Variants in PRIM2 observed in about 807,000 individuals in gnomAD.
The protein encoded by PRIM2 is DNA primase large subunit.
A neutral mutation model predicts 67.3 loss-of-function variants in PRIM2; 39 were observed. The observed-to-expected ratio is 0.58, with a 90% CI of 0.45 to 0.76. PRIM2 has a LOEUF of 0.76. PRIM2 is among the 30% of genes least tolerant of loss of function. The probability of loss-of-function intolerance (pLI) is 0.00; values close to 1 mark genes in which losing one functional copy is unlikely to be tolerated. For missense variants in PRIM2, 398 were observed against 598.7 expected, an observed-to-expected ratio of 0.66 and a Z score of 3.50; for synonymous variants, 143 against 198.7, an observed-to-expected ratio of 0.72 and a Z score of 2.36.
intron 7 of PRIM2, among the ~76,000 whole-genome samples, chr6:57,459,984 TC>T (rs1772946194): frequency 6.6e-6 from 1 of 152,170 alleles, no homozygotes; most frequent in East Asian, 1.9e-4. Context: ...CAGAGCCCCC[TC>T]CTGGTCATGA....
rs1688484043 is a variant in PRIM2 at position 57,537,468 on chromosome 6, T to C, written c.863T>C (p.Met288Thr). 4 of 1,462,972 alleles carry C rather than the reference T, an allele frequency of 2.7e-6. No homozygotes were observed. Among genetic ancestry groups the C allele is most frequent in the African/African-American group, 2.8e-5 (2 of 71,536 alleles). The allele number at this position is 1,462,972 out of a possible 1,614,324, so 90.6% of individuals were successfully genotyped here. A position where few individuals can be genotyped will look rare whatever the true frequency, so the allele number is the denominator to read the frequency against. Residue 288 changes from methionine to threonine, a missense_variant, in exon 10 of 14, where the codon ATG becomes ACG. By Grantham distance (81) the Met-to-Thr change is moderately conservative. This residue lies in a region of PRIM2 where 229 missense variants were observed against 383.6 expected (regional missense o/e 0.60). Transcript: ENST00000615550. The part of the protein sequence containing the change: ...LLSTKSFPPC[M>T]RQLHKALREN... Reference sequence around the variant, plus strand: ...TCTACCAAATCCTTCCCACCTTGCATGCGTCAGTTACATAAAGCCTTGCGG... The same window carrying C: ...TCTACCAAATCCTTCCCACCTTGCACGCGTCAGTTACATAAAGCCTTGCGG...
the PRIM2 span, among the ~76,000 whole-genome samples, chr6:57,260,040 C>G: frequency 6.6e-6 from 1 of 152,160 alleles, no homozygotes; most frequent in South Asian, 2.1e-4. Flanking sequence ...TCCCCTATTC[C>G]CTTAAAATGG....
intron 5 of PRIM2, among the ~76,000 whole-genome samples, chr6:57,353,803 A>G (rs184534352): frequency 6.6e-6 from 1 of 152,174 alleles, no homozygotes; most frequent in African/African-American, 2.4e-5. Context: ...GAAATGGTAT[A>G]TATTTCTTCC....
intron 10 of PRIM2, among the ~76,000 whole-genome samples, chr6:57,553,246 G>T (rs1775438959): frequency 6.6e-6 from 1 of 152,052 alleles, no homozygotes; most frequent in African/African-American, 2.4e-5. Flanking sequence ...TGCTTTCTAT[G>T]TTGATGTTTT....
chr6:57,540,985 T>G (rs1775136908), intron 10 of PRIM2, among the ~76,000 whole-genome samples: 1 of 152,246 alleles, frequency 6.6e-6, no homozygotes, highest in Non-Finnish European at 1.5e-5. Flanking sequence ...TTCATCGTGT[T>G]CAGTGCAATA....
At chr6:57,483,517 G>A (rs1242432762) in intron 7 of PRIM2, among the ~76,000 whole-genome samples, 13 of 152,066 alleles carry the variant, frequency 8.5e-5, no homozygotes, top group Admixed American at 3.9e-4. Context: ...AAACCCCACC[G>A]AAACCAAACT....
intron 10 of PRIM2, among the ~76,000 whole-genome samples, chr6:57,559,359 C>A (rs1386942103): frequency 0.069 from 10,508 of 152,184 alleles, 524 homozygotes; most frequent in East Asian, 0.2. Context: ...GCCCTGACTT[C>A]AGTGTTTACC....
At chr6:57,466,666 T>C (rs1773202751) in intron 7 of PRIM2, among the ~76,000 whole-genome samples, 1 of 152,238 alleles carries the variant, frequency 6.6e-6, no homozygotes, top group African/African-American at 2.4e-5. Flanking sequence ...TTTGAAGGGA[T>C]TGTTTTTTTC....
At position 57,340,019 on chromosome 6, in the gene PRIM2, AAC is replaced by A; in HGVS notation, c.459+13976_459+13977del. Among the ~76,000 whole-genome samples the A allele has an allele frequency of 1.3e-5, 2 of 152,148 alleles. 1 individual carries two copies. The highest frequency in any genetic ancestry group is 4.8e-5 in the African/African-American group (2 of 41,426). On this transcript the variant is annotated intron_variant, in intron 5 of 13. Coordinates refer to ENST00000615550, the MANE Select transcript of PRIM2 (RefSeq NM_000947.5). Reference sequence around the variant, plus strand: ...TCAAACAAATTTATGAGGAAAAAAAAACAACCCCATCAAAAAGTGGGCAAAGG... The same window carrying A: ...TCAAACAAATTTATGAGGAAAAAAAAAACCCCATCAAAAAGTGGGCAAAGG...
intron 6 of PRIM2, among the ~76,000 whole-genome samples, chr6:57,381,708 G>T (rs1444153755): frequency 6.6e-6 from 1 of 152,160 alleles, no homozygotes; most frequent in Non-Finnish European, 1.5e-5. Flanking sequence ...AATGCAACAT[G>T]TGTAGAAGTC....
At chr6:57,289,869 C>T in the PRIM2 span, among the ~76,000 whole-genome samples, 1 of 152,112 alleles carries the variant, frequency 6.6e-6, no homozygotes, top group Non-Finnish European at 1.5e-5. Flanking sequence ...TTGTAAAGAC[C>T]ATCAATGCTA....
intron 8 of PRIM2, among the ~76,000 whole-genome samples, chr6:57,515,005 G>A (rs1274971678): frequency 4.6e-5 from 7 of 151,992 alleles, no homozygotes; most frequent in African/African-American, 1.7e-4. Flanking sequence ...TAATGTTTTT[G>A]GTAAAATGTA....
intron 5 of PRIM2, among the ~76,000 whole-genome samples, chr6:57,338,703 T>G (rs897870936): frequency 4.9e-5 from 7 of 142,976 alleles, no homozygotes; most frequent in Non-Finnish European, 6.1e-5. Context: ...TGGGACGTAT[T>G]TCAAAATAAT....
the PRIM2 span, among the ~76,000 whole-genome samples, chr6:57,241,223 CA>C: frequency 1.1e-3 from 103 of 95,852 alleles, no homozygotes; most frequent in Admixed American, 1.1e-3. Context: ...GACTCTGTCT[CA>C]AAAAAAAAAA....
At position 57,326,097 on chromosome 6, in the gene PRIM2, C is replaced by T. The variant is rs1005374334; in HGVS notation, c.459+52C>T. 3.1e-6 allele frequency: 5 copies of T among 1,594,664 alleles called. No individual in the cohort carries two copies. The African/African-American group carries it at 6.8e-5, about 22-fold the overall frequency. ...AATTGTTCTCACCATTCATTTTTCC[C>T]TTCTGTCTTAAGTGCTGGTACTAAT... On this transcript the variant is annotated intron_variant, in intron 5 of 13. Coordinates refer to ENST00000615550, the MANE Select transcript of PRIM2 (RefSeq NM_000947.5).
chr6:57,576,321 T>G (rs1258373914), intron 10 of PRIM2, among the ~76,000 whole-genome samples: 1 of 151,900 alleles, frequency 6.6e-6, no homozygotes, highest in Non-Finnish European at 1.5e-5. Flanking sequence ...GCAATTTGTC[T>G]TATCTTTTTC....
chr6:57,240,189 C>A, the PRIM2 span, among the ~76,000 whole-genome samples: 3 of 151,264 alleles, frequency 2.0e-5, no homozygotes, highest in African/African-American at 7.3e-5. Flanking sequence ...GCAACCTCTG[C>A]CTCCCGGGTT....
At chr6:57,262,228 T>C in the PRIM2 span, among the ~76,000 whole-genome samples, 1 of 152,174 alleles carries the variant, frequency 6.6e-6, no homozygotes, top group Non-Finnish European at 1.5e-5. Flanking sequence ...GTTTTCTTGC[T>C]GGTAAAGTGG....
At chr6:57,589,040 G>A (rs1776241940) in intron 10 of PRIM2, among the ~76,000 whole-genome samples, 1 of 152,082 alleles carries the variant, frequency 6.6e-6, no homozygotes, top group East Asian at 1.9e-4. Context: ...GGATATCAGG[G>A]GTAGCCTGAG....
Sources: gnomAD v4.1 joint callset for allele counts (sites outside exome capture counted in the v4.1 genomes callset) on GRCh38, gnomAD v4.1.1 for gene constraint, gnomAD v4.1.1 regional missense constraint, MANE v1.5 for transcripts, NCBI Gene and HGNC (gene_info 2026-07-23, HGNC 2026-07-21) for gene names.